The following BBS9 variants were observed in gnomAD, a reference collection of about 807,000 sequenced individuals.
BBS9 encodes the protein protein PTHB1.
Under a neutral mutation model 117.7 loss-of-function variants are expected in BBS9, and 89 were observed. The ratio of observed to expected loss-of-function variants is 0.76; its 90% confidence interval spans 0.64 to 0.90. The LOEUF (loss-of-function observed/expected upper bound fraction) is 0.90. Ranked by LOEUF, BBS9 falls within the 40% of genes least tolerant of loss-of-function variation. The pLI, the probability that BBS9 is intolerant of heterozygous loss-of-function variation, is 0.00. For missense variants in BBS9, 982 were observed against 1,042.2 expected (o/e 0.94, Z 0.80); for synonymous variants, 379 against 370.9 (o/e 1.02, Z -0.25).
intron 5 of BBS9, among the ~76,000 whole-genome samples, chr7:33,251,678 T>C (rs756623117): frequency 2.0e-5 from 3 of 152,220 alleles, no homozygotes; most frequent in Non-Finnish European, 4.4e-5. Flanking sequence ...ATAATGTGTT[T>C]GGGTATTTTC....
At chr7:33,529,987 T>C (rs1850319372) in intron 20 of BBS9, among the ~76,000 whole-genome samples, 1 of 152,094 alleles carries the variant, frequency 6.6e-6, no homozygotes, top group Admixed American at 6.5e-5. Context: ...ACCAAAAAGG[T>C]GTTTAAAATA....
chr7:33,593,711 G>A (rs1160861376), intron 21 of BBS9, among the ~76,000 whole-genome samples: 1 of 152,012 alleles, frequency 6.6e-6, no homozygotes, highest in Non-Finnish European at 1.5e-5. Flanking sequence ...ATATGGTAGG[G>A]GGTCGCAATG....
At chr7:33,480,700 G>A (rs1430754715) in intron 19 of BBS9, among the ~76,000 whole-genome samples, 1 of 152,158 alleles carries the variant, frequency 6.6e-6, no homozygotes, top group Admixed American at 6.5e-5. Context: ...TAAATCTTTA[G>A]CATTGATTCA....
intron 5 of BBS9, among the ~76,000 whole-genome samples, chr7:33,245,320 C>T (rs1250645607): frequency 1.3e-5 from 2 of 151,974 alleles, no homozygotes; most frequent in Non-Finnish European, 1.5e-5. Context: ...CTTAACCTTT[C>T]CCCTCTCTTC....
chr7:33,189,560 C>T (rs950038044), intron 5 of BBS9, among the ~76,000 whole-genome samples: 9 of 151,562 alleles, frequency 5.9e-5, no homozygotes, highest in Admixed American at 1.3e-4. Flanking sequence ...TATTACACCA[C>T]CATCTGGTTC....
rs777409972 is a variant in BBS9, at chr7:33,152,733, C to G, written c.145C>G (p.Leu49Val). 2.5e-6 allele frequency: 4 copies of G among 1,612,236 alleles called. No individual in the cohort carries two copies. The Admixed American group carries it at 6.7e-5, about 27-fold the overall frequency. Reference protein sequence around the residue: ...KIIVGSFMGYLRIFSPHPAKT... With the variant: ...KIIVGSFMGYVRIFSPHPAKT... Reference sequence around the variant, plus strand: ...AATTGTGGGTAGCTTTATGGGATACCTAAGGATCTTTAGCCCCCATCCTGC... The same window carrying G: ...AATTGTGGGTAGCTTTATGGGATACGTAAGGATCTTTAGCCCCCATCCTGC... The change falls in exon 3 of 23, where the codon CTA becomes GTA. Residue 49 changes from leucine to valine, a missense_variant. Physicochemically the swap from Leu to Val is conservative, Grantham distance 32 (BLOSUM62 1). Coordinates refer to ENST00000242067, the MANE Select transcript of BBS9 (RefSeq NM_198428.3).
At chr7:33,500,193 A>G (rs991749193) in intron 19 of BBS9, among the ~76,000 whole-genome samples, 13 of 152,256 alleles carry the variant, frequency 8.5e-5, no homozygotes, top group African/African-American at 3.1e-4. Flanking sequence ...AAGCTGCGAC[A>G]GTAGGAAAGC....
intron 5 of BBS9, among the ~76,000 whole-genome samples, chr7:33,241,540 G>GA (rs1432976348): frequency 6.6e-6 from 1 of 152,018 alleles, no homozygotes; most frequent in Admixed American, 6.5e-5. Flanking sequence ...ATGTACCTGT[G>GA]AAAATCCAGT....
intron 5 of BBS9, among the ~76,000 whole-genome samples, chr7:33,232,788 A>G (rs1792736266): frequency 6.6e-6 from 1 of 152,132 alleles, no homozygotes; most frequent in Non-Finnish European, 1.5e-5. Flanking sequence ...GTGTGTGTAT[A>G]TATCTATATG....
At chr7:33,241,748 A>G (rs1018045296) in intron 5 of BBS9, among the ~76,000 whole-genome samples, 1 of 151,948 alleles carries the variant, frequency 6.6e-6, no homozygotes, top group Non-Finnish European at 1.5e-5. Context: ...ACTCTTAATT[A>G]TTATATTTTT....
intron 19 of BBS9, among the ~76,000 whole-genome samples, chr7:33,400,964 G>T (rs1325510805): frequency 6.6e-6 from 1 of 152,196 alleles, no homozygotes; most frequent in Non-Finnish European, 1.5e-5. Context: ...ATCATTGATA[G>T]AATGTCATGC....
intron 17 of BBS9, among the ~76,000 whole-genome samples, chr7:33,370,289 C>A (rs1822603774): frequency 6.7e-6 from 1 of 150,328 alleles, no homozygotes; most frequent in African/African-American, 2.5e-5. Flanking sequence ...GAGACCTAGT[C>A]CCTATTTAAA....
At chr7:33,301,568 T>C (rs563630969) in intron 9 of BBS9, among the ~76,000 whole-genome samples, 1 of 152,294 alleles carries the variant, frequency 6.6e-6, no homozygotes, top group East Asian at 1.9e-4. Flanking sequence ...TAACCTGAAG[T>C]TCCATTCATG....
chr7:33,187,083 A>G (rs1026124847), intron 5 of BBS9, among the ~76,000 whole-genome samples: 36 of 152,226 alleles, frequency 2.4e-4, no homozygotes, highest in African/African-American at 8.7e-4. Context: ...AAAATTTCCA[A>G]TGGTTGTTAA....
chr7:33,466,017 A>G (rs538505655), intron 19 of BBS9, among the ~76,000 whole-genome samples: 53 of 152,246 alleles, frequency 3.5e-4, no homozygotes, highest in African/African-American at 1.2e-3. Context: ...TGTACCTGAC[A>G]AATAAAAGTT....
chr7:33,366,883 AAG>A (rs1450168467), intron 16 of BBS9, among the ~76,000 whole-genome samples: 5 of 152,054 alleles, frequency 3.3e-5, no homozygotes, highest in Admixed American at 2.0e-4. Flanking sequence ...GTAAATTGGT[AAG>A]TTGGATCTAC....
chr7:33,458,788 G>T (rs1471514494), intron 19 of BBS9, among the ~76,000 whole-genome samples: 1 of 152,102 alleles, frequency 6.6e-6, no homozygotes, highest in Non-Finnish European at 1.5e-5. Flanking sequence ...TTCACACCCC[G>T]AATACATTAT....
At chr7:33,131,886 C>T (rs1789670161) in intron 1 of BBS9, among the ~76,000 whole-genome samples, 1 of 152,040 alleles carries the variant, frequency 6.6e-6, no homozygotes, top group Non-Finnish European at 1.5e-5. Flanking sequence ...AAACCTAAAT[C>T]TGAGTAAACT....
At chr7:33,184,528 A>C (rs1187800816) in intron 5 of BBS9, among the ~76,000 whole-genome samples, 1 of 152,180 alleles carries the variant, frequency 6.6e-6, no homozygotes, top group African/African-American at 2.4e-5. Context: ...TCGAACCCAA[A>C]TTTGTCGAGA....
Sources: allele counts gnomAD v4.1 joint callset (sites outside exome capture counted in the v4.1 genomes callset), GRCh38; gene constraint gnomAD v4.1.1; transcripts MANE v1.5; gene names NCBI Gene and HGNC (gene_info 2026-07-23, HGNC 2026-07-21).